TMEM154: variants seen among roughly 807,000 people sequenced by gnomAD.
TMEM154 encodes transmembrane protein 154.
A neutral mutation model predicts 24.5 loss-of-function variants in TMEM154; 27 were observed. That is an observed-to-expected ratio of 1.10 (90% CI 0.81 to 1.52). TMEM154 has a LOEUF of 1.52. Ranked by LOEUF, TMEM154 falls within the 40% of genes most tolerant of loss-of-function variation. TMEM154 has a pLI of 0.00. For missense variants in TMEM154, 228 were observed against 213.4 expected, an observed-to-expected ratio of 1.07 and a Z score of -0.43; for synonymous variants, 67 against 76.8, an observed-to-expected ratio of 0.87 and a Z score of 0.67.
chr4:152,654,421 T>C (rs1237021842), intron 1 of TMEM154, among the ~76,000 whole-genome samples: 1 of 152,254 alleles, frequency 6.6e-6, no homozygotes, highest in African/African-American at 2.4e-5. Flanking sequence ...ATAGTTCATC[T>C]ATCTTCATAA....
At chr4:152,643,576 C>A (rs1752298510) in intron 4 of TMEM154, among the ~76,000 whole-genome samples, 1 of 152,182 alleles carries the variant, frequency 6.6e-6, no homozygotes. Context: ...TGATCAGTGC[C>A]CCAGGTCAAG....
chr4:152,656,165 A>C (rs1463343557), intron 1 of TMEM154, among the ~76,000 whole-genome samples: 1 of 152,144 alleles, frequency 6.6e-6, no homozygotes, highest in Admixed American at 6.5e-5. Context: ...CAACACTAGC[A>C]TGGGTACTTG....
intron 3 of TMEM154, among the ~76,000 whole-genome samples, chr4:152,645,021 T>C (rs528405572): frequency 1.9e-4 from 29 of 152,334 alleles, no homozygotes; most frequent in Non-Finnish European, 3.5e-4. Context: ...CCTACTCTAT[T>C]TAAAGAAGGG....
chr4:152,656,577 C>A (rs1452022836), intron 1 of TMEM154, among the ~76,000 whole-genome samples: 1 of 152,150 alleles, frequency 6.6e-6, no homozygotes, highest in Non-Finnish European at 1.5e-5. Context: ...CTAACCAACA[C>A]CAAAGAAACA....
rs147648616 is a variant in TMEM154 at position 152,679,929 on chromosome 4, T to C, written c.5A>G (p.Gln2Arg). The C allele has an allele frequency of 3.7e-6, 6 of 1,609,300 alleles. No homozygotes were observed. The African/African-American group carries it at 4.0e-5, about 11-fold the overall frequency. The change falls in exon 1 of 7, where the codon CAG (glutamine) becomes CGG (arginine). Residue 2 changes from glutamine (Q) to arginine (R), a missense_variant. Transcript: ENST00000304385. MQAPRAALVFAL... is the reference protein window; with the variant it reads MRAPRAALVFAL... ...GAAGACTAGGGCTGCGCGGGGAGCCTGCATGTCCGCTCGCCTCGGCAGAGG... is the reference window on the plus strand; with the variant it reads ...GAAGACTAGGGCTGCGCGGGGAGCCCGCATGTCCGCTCGCCTCGGCAGAGG...
intron 5 of TMEM154, among the ~76,000 whole-genome samples, chr4:152,641,899 A>AATT (rs1186153253): frequency 9.8e-6 from 1 of 101,920 alleles, no homozygotes; most frequent in Non-Finnish European, 2.0e-5. Flanking sequence ...TGGTAGCAAT[A>AATT]ATTCTTTTTT....
intron 1 of TMEM154, among the ~76,000 whole-genome samples, chr4:152,679,616 A>G (rs1396723814): frequency 6.6e-6 from 1 of 152,078 alleles, no homozygotes; most frequent in Admixed American, 6.5e-5. Flanking sequence ...AGGGACGCAC[A>G]CTTCCTGGAA....
intron 1 of TMEM154, among the ~76,000 whole-genome samples, chr4:152,654,187 A>G (rs6814401): frequency 0.53 from 80,623 of 152,126 alleles, 21,579 homozygotes; most frequent in African/African-American, 0.58. Flanking sequence ...TTGTCCTAAT[A>G]TCGTATAATG....
rs185474736 is a variant in TMEM154, at chr4:152,640,830, T to C, written c.536+98A>G. On this transcript the variant is annotated intron_variant, in intron 6 of 6. Transcript: ENST00000304385. Reference sequence around the variant, plus strand: ...CGCGTAAATGATCTCATACGAATTATAGGCACGGAGGAGGTAAGCAAAAAG... The same window carrying C: ...CGCGTAAATGATCTCATACGAATTACAGGCACGGAGGAGGTAAGCAAAAAG... 1,181 of 988,582 alleles carry C rather than the reference T, an allele frequency of 1.2e-3. 12 individuals carry two copies. The Middle Eastern group carries it at 0.021, about 17-fold the overall frequency. 61.2% of individuals were successfully genotyped at this position (988,582 alleles called of 1,614,324 possible).
chr4:152,669,645 G>T (rs1246355653), intron 1 of TMEM154: 1 of 152,126 alleles, frequency 6.6e-6, no homozygotes, highest in Non-Finnish European at 1.5e-5. Flanking sequence ...TCTTAGAAAA[G>T]AATAAATCAA....
chr4:152,644,995 G>A (rs888731826), intron 3 of TMEM154, among the ~76,000 whole-genome samples: 29 of 152,096 alleles, frequency 1.9e-4, no homozygotes, highest in Non-Finnish European at 8.8e-5. Flanking sequence ...CTCTTTCCTC[G>A]GGGAGGCCTT....
At position 152,622,859 on chromosome 4, in the gene TMEM154, C is replaced by G. The variant is rs1253591748; in HGVS notation, c.*5687G>C. On this transcript the variant is annotated 3_prime_UTR_variant, in exon 7 of 7. Transcript: ENST00000304385. ...CCATTTCTTTTTCTTTTCTTTGAGA[C>G]AGAATCTTGCTCTGTCACCCAGGAT... 1 of 152,152 alleles carries G rather than the reference C, an allele frequency of 6.6e-6. No individual in the cohort carries two copies. The highest frequency in any genetic ancestry group is 1.9e-4 in the East Asian group (1 of 5,202). The allele number at this position is 152,152 out of a possible 1,614,324, so 9.4% of individuals were successfully genotyped here.
intron 3 of TMEM154, among the ~76,000 whole-genome samples, chr4:152,645,922 G>T (rs1752360127): frequency 7.1e-6 from 1 of 141,682 alleles, no homozygotes; most frequent in South Asian, 2.3e-4. Flanking sequence ...ACTTAGATGG[G>T]GGAAAGGAGA....
Position 152,663,857 on chromosome 4 carries a change from T to C in TMEM154, c.65-10930A>G, listed in dbSNP as rs1372378921. Among the ~76,000 whole-genome samples the C allele has an allele frequency of 3.3e-5, 5 of 152,222 alleles. No homozygotes were observed. In the East Asian group the frequency reaches 9.6e-4, roughly 29 times the overall value. ...TATTGACAATATTCACGCAGACACATCTGGGATTCATCTTTCACACATCTG... is the reference window on the plus strand; with the variant it reads ...TATTGACAATATTCACGCAGACACACCTGGGATTCATCTTTCACACATCTG... On this transcript the variant is annotated intron_variant, in intron 1 of 6. Coordinates refer to ENST00000304385, the MANE Select transcript of TMEM154 (RefSeq NM_152680.3).
rs1018276635 is a variant in TMEM154, at chr4:152,627,552, C to T, written c.*994G>A. The T allele has an allele frequency of 2.0e-5, 3 of 152,196 alleles. No homozygotes were observed. The highest frequency in any genetic ancestry group is 4.8e-5 in the African/African-American group (2 of 41,452). 9.4% of individuals were successfully genotyped at this position (152,196 alleles called of 1,614,324 possible). On this transcript the variant is annotated 3_prime_UTR_variant, in exon 7 of 7. Coordinates refer to ENST00000304385, the MANE Select transcript of TMEM154 (RefSeq NM_152680.3). ...GTCATCTCTGATGGACTGACAGAGA[C>T]CTCCTGTTGTGCTGTGTTAGGACAT...
intron 1 of TMEM154, among the ~76,000 whole-genome samples, chr4:152,672,766 A>C (rs1202636237): frequency 6.6e-6 from 1 of 152,250 alleles, no homozygotes; most frequent in Admixed American, 6.5e-5. Flanking sequence ...ACAAGTAACA[A>C]GGCACTCATC....
intron 3 of TMEM154, among the ~76,000 whole-genome samples, chr4:152,648,481 C>G (rs1034791664): frequency 6.6e-6 from 1 of 152,166 alleles, no homozygotes; most frequent in Non-Finnish European, 1.5e-5. Flanking sequence ...GGTAACAGAG[C>G]AAGGCCCTGT....
intron 6 of TMEM154, among the ~76,000 whole-genome samples, chr4:152,636,648 C>A (rs556257634): frequency 4.6e-5 from 7 of 152,234 alleles, no homozygotes; most frequent in African/African-American, 1.7e-4. Context: ...GATTACAGAC[C>A]CTAACAAGAC....
chr4:152,678,031 C>T (rs893425425), intron 1 of TMEM154, among the ~76,000 whole-genome samples: 2 of 152,028 alleles, frequency 1.3e-5, no homozygotes, highest in East Asian at 1.9e-4. Flanking sequence ...AAGGAGACAT[C>T]AAGGAGGAGA....
Sources: gnomAD v4.1 joint callset for allele counts (sites outside exome capture counted in the v4.1 genomes callset) on GRCh38, gnomAD v4.1.1 for gene constraint, MANE v1.5 for transcripts, NCBI Gene and HGNC (gene_info 2026-07-23, HGNC 2026-07-21) for gene names.